The following AUTS2 variants were observed in gnomAD, a reference collection of about 807,000 sequenced individuals.
AUTS2 encodes the protein autism susceptibility gene 2 protein.
Under a neutral mutation model 112.4 loss-of-function variants are expected in AUTS2, and 17 were observed. The ratio of observed to expected loss-of-function variants is 0.15; its 90% CI spans 0.10 to 0.23. The LOEUF (loss-of-function observed/expected upper bound fraction) is 0.23, where lower values mean the gene tolerates loss of function less well. Among genes scored for constraint, AUTS2 ranks in the 10% least tolerant of loss-of-function variants. AUTS2 has a pLI of 1.00. For synonymous variants in AUTS2, 751 were observed against 702.7 expected (o/e 1.07, Z -1.09); for missense variants, 1,510 against 1,701.6 (o/e 0.89, Z 1.98).
chr7:69,783,088 CTTTT>C (rs398047755), intron 1 of AUTS2, among the ~76,000 whole-genome samples: 3 of 85,138 alleles, frequency 3.5e-5, no homozygotes, highest in Non-Finnish European at 4.7e-5. Context: ...TGCTGCTCAT[CTTTT>C]TTTTTTTTTT....
At chr7:70,202,958 A>T (rs1584869707) in intron 4 of AUTS2, among the ~76,000 whole-genome samples, 1 of 81,054 alleles carries the variant, frequency 1.2e-5, no homozygotes, top group East Asian at 4.4e-4. Context: ...AATGTCCAAC[A>T]ATGATAGACT....
chr7:70,342,060 C>T (rs1473864943), intron 4 of AUTS2, among the ~76,000 whole-genome samples: 4 of 152,182 alleles, frequency 2.6e-5, no homozygotes, highest in Non-Finnish European at 5.9e-5. Context: ...ACTGGGCTTG[C>T]TTTCTTAGCC....
intron 2 of AUTS2, among the ~76,000 whole-genome samples, chr7:70,012,609 T>G (rs1244993819): frequency 6.6e-6 from 1 of 152,170 alleles, no homozygotes; most frequent in Non-Finnish European, 1.5e-5. Context: ...CTTCCATTTC[T>G]CCCTTGATCT....
intron 17 of AUTS2, 145 bp downstream of exon 17, chr7:70,786,183 A>G: frequency 1.5e-6 from 1 of 682,192 alleles, no homozygotes; most frequent in Non-Finnish European, 2.4e-6. Flanking sequence ...AGGCCTTCAC[A>G]GTGGGGTGAG....
intron 4 of AUTS2, among the ~76,000 whole-genome samples, chr7:70,212,247 C>T (rs866429894): frequency 6.6e-6 from 1 of 152,194 alleles, no homozygotes; most frequent in African/African-American, 2.4e-5. Flanking sequence ...TTTCACCTGC[C>T]TGAACTCTTC....
At chr7:70,105,034 T>G (rs1804694941) in intron 2 of AUTS2, among the ~76,000 whole-genome samples, 1 of 152,240 alleles carries the variant, frequency 6.6e-6, no homozygotes, top group Admixed American at 6.5e-5. Context: ...ACTCTAAGGA[T>G]GTACTTTTAC....
intron 2 of AUTS2, among the ~76,000 whole-genome samples, chr7:69,966,781 A>G (rs542735404): frequency 1.3e-5 from 2 of 152,196 alleles, no homozygotes; most frequent in African/African-American, 4.8e-5. Context: ...CATCTCGTAA[A>G]CTGAGTGCTG....
rs528074453 is a variant in AUTS2 at position 69,877,896 on chromosome 7, G to A, written c.310-21390G>A. Reference sequence around the variant, plus strand: ...GTAGTGAAGAATGAGTTGTGTGCAGGACATCACCAGAGTCATGGCAGGCCG... The same window carrying A: ...GTAGTGAAGAATGAGTTGTGTGCAGAACATCACCAGAGTCATGGCAGGCCG... On this transcript the variant is annotated intron_variant, in intron 1 of 18. Transcript: ENST00000342771. Among the ~76,000 whole-genome samples the A allele has an allele frequency of 1.4e-4, 22 of 152,252 alleles. No homozygotes were observed. In the South Asian group the frequency reaches 4.6e-3, roughly 32 times the overall value.
intron 5 of AUTS2, among the ~76,000 whole-genome samples, chr7:70,557,587 T>C (rs1331893776): frequency 1.3e-5 from 2 of 152,234 alleles, no homozygotes; most frequent in East Asian, 3.9e-4. Context: ...TGCCACTGTG[T>C]AGCAGACATG....
chr7:70,194,252 A>G (rs1264941122), intron 4 of AUTS2, among the ~76,000 whole-genome samples: 1 of 152,136 alleles, frequency 6.6e-6, no homozygotes, highest in East Asian at 1.9e-4. Flanking sequence ...TCTACTAAAA[A>G]TACAAAAATT....
intron 4 of AUTS2, among the ~76,000 whole-genome samples, chr7:70,240,790 A>C (rs1204446577): frequency 1.3e-5 from 2 of 152,228 alleles, no homozygotes; most frequent in Non-Finnish European, 2.9e-5. Flanking sequence ...CTTTTAGTTT[A>C]AGCCTACAAA....
intron 6 of AUTS2, among the ~76,000 whole-genome samples, chr7:70,752,154 G>T (rs570310224): frequency 3.9e-5 from 6 of 152,216 alleles, no homozygotes; most frequent in Non-Finnish European, 8.8e-5. Context: ...CGCGGAAGGA[G>T]TCTGGGGGTA....
intron 5 of AUTS2, among the ~76,000 whole-genome samples, chr7:70,682,489 C>T (rs1175393547): frequency 6.6e-6 from 1 of 152,066 alleles, no homozygotes; most frequent in South Asian, 2.1e-4. Flanking sequence ...TTGTTGTTGC[C>T]GTGATTTATT....
At position 70,790,081 on chromosome 7, in the gene AUTS2, C is replaced by T; in HGVS notation, c.2865C>T (p.Asn955=). The part of the protein sequence containing the change: ...RTPVVESARP[N]STSSREAEPR... Reference sequence around the variant, plus strand: ...CGGTGGTGGAGAGTGCCAGGCCCAACAGCACCTCGAGCCGGGAGGCCGAGC... The same window carrying T: ...CGGTGGTGGAGAGTGCCAGGCCCAATAGCACCTCGAGCCGGGAGGCCGAGC... Residue 955 remains asparagine, a synonymous_variant, in exon 19 of 19, where the codon AAC becomes AAT. Coordinates refer to ENST00000342771, the MANE Select transcript of AUTS2 (RefSeq NM_015570.4). This position sits in a 1 kb window ranked among gnomAD's most constrained non-coding sequence, Gnocchi z 7.6. 1 of 1,577,704 alleles carries T rather than the reference C, an allele frequency of 6.3e-7. No homozygotes were observed. Among genetic ancestry groups the T allele is most frequent in the African/African-American group, 1.3e-5 (1 of 74,330 alleles).
chr7:70,737,595 G>A (rs555014368), intron 6 of AUTS2, among the ~76,000 whole-genome samples: 289 of 152,330 alleles, frequency 1.9e-3, no homozygotes, highest in African/African-American at 6.3e-3. Context: ...TAATTTTACC[G>A]AAATGTGTTG....
chr7:70,561,893 C>G (rs576274201), intron 5 of AUTS2, among the ~76,000 whole-genome samples: 50 of 152,206 alleles, frequency 3.3e-4, no homozygotes, highest in African/African-American at 1.2e-3. Flanking sequence ...GACATTGCAT[C>G]TCCAGTGTTC....
intron 5 of AUTS2, among the ~76,000 whole-genome samples, chr7:70,609,916 A>G (rs887778397): frequency 6.6e-6 from 1 of 152,108 alleles, no homozygotes. Context: ...CTTTGGATAC[A>G]TACCCTAAAG....
At chr7:70,393,855 G>T (rs1793972877) in intron 4 of AUTS2, among the ~76,000 whole-genome samples, 1 of 152,086 alleles carries the variant, frequency 6.6e-6, no homozygotes, top group African/African-American at 2.4e-5. Flanking sequence ...TTGCACTCAG[G>T]CTGTCTTTTA....
At position 70,781,665 on chromosome 7, in the gene AUTS2, G is replaced by A. The variant is rs61729701; in HGVS notation, c.2055G>A (p.Glu685=). 2,955 of 1,614,164 alleles carry A rather than the reference G, an allele frequency of 1.8e-3. 49 individuals carry two copies. In the African/African-American group the frequency reaches 0.035, roughly 19 times the overall value. The change falls in exon 15 of 19, where the codon GAG becomes GAA. Residue 685 remains glutamate, a synonymous_variant. Transcript: ENST00000342771. ...AGCTGGACTTTGGACTGAAACCTGA[G>A]TTCCTGAGCCGCCCTCCAGGCCCCA... ...PHKLDFGLKP[E]FLSRPPGPSL...
Sources: gnomAD v4.1 joint callset for allele counts (sites outside exome capture counted in the v4.1 genomes callset) on GRCh38, gnomAD v4.1.1 for gene constraint, Gnocchi (gnomAD v3.1) non-coding constraint, MANE v1.5 for transcripts, NCBI Gene and HGNC (gene_info 2026-07-23, HGNC 2026-07-21) for gene names.